PTPRT: variants seen among roughly 807,000 people sequenced by gnomAD.
The protein encoded by PTPRT is protein tyrosine phosphatase receptor type T.
In PTPRT, 56 loss-of-function variants were observed where a neutral mutation model predicts 176.8. The observed-to-expected ratio is 0.32, with a 90% CI of 0.26 to 0.40. The LOEUF (loss-of-function observed/expected upper bound fraction) is 0.40, where lower values mean the gene tolerates loss of function less well. PTPRT is among the 10% of genes least tolerant of loss of function. The pLI, the probability that PTPRT is intolerant of heterozygous loss-of-function variation, is 1.00. For missense variants in PTPRT, 1,540 were observed against 1,908.2 expected, an observed-to-expected ratio of 0.81 and a Z score of 3.60; for synonymous variants, 783 against 739.0, an observed-to-expected ratio of 1.06 and a Z score of -0.96.
chr20:42,678,595 C>T (rs6030406), intron 6 of PTPRT, among the ~76,000 whole-genome samples: 64,037 of 152,100 alleles, frequency 0.42, 14,101 homozygotes, highest in African/African-American at 0.54. Context: ...TGAGCCAACA[C>T]GCCTGGCCTG....
In PTPRT at chr20:42,077,964, C is replaced by T. The variant is rs1269291733; in HGVS notation, c.*2915G>A. On this transcript the variant is annotated 3_prime_UTR_variant, in exon 31 of 31. Transcript: ENST00000373187. ...CTTAGGATTTGTGTTAAATAGCTCTCCCTCCACCCTCATCCTGTCTGGATG... is the reference window on the plus strand; with the variant it reads ...CTTAGGATTTGTGTTAAATAGCTCTTCCTCCACCCTCATCCTGTCTGGATG... The T allele has an allele frequency of 5.1e-6, 1 of 196,618 alleles. No individual in the cohort carries two copies. The highest frequency in any genetic ancestry group is 1.1e-5 in the Non-Finnish European group (1 of 94,732). 12.2% of individuals were successfully genotyped at this position (196,618 alleles called of 1,614,324 possible). A position where few individuals can be genotyped will look rare whatever the true frequency, so the allele number is the denominator to read the frequency against.
At chr20:43,165,690 G>C (rs1261668939) in intron 1 of PTPRT, among the ~76,000 whole-genome samples, 1 of 152,236 alleles carries the variant, frequency 6.6e-6, no homozygotes, top group Non-Finnish European at 1.5e-5. Flanking sequence ...AGAAGCAACA[G>C]TTTCGGCTTG....
intron 7 of PTPRT, among the ~76,000 whole-genome samples, chr20:42,517,881 A>G (rs892123007): frequency 2.6e-5 from 4 of 152,012 alleles, no homozygotes; most frequent in African/African-American, 9.6e-5. Flanking sequence ...ATTCCTAACA[A>G]ATGGTCAATT....
intron 9 of PTPRT, among the ~76,000 whole-genome samples, chr20:42,382,954 T>TTGCA (rs1568831133): frequency 2.0e-5 from 3 of 152,152 alleles, no homozygotes; most frequent in Admixed American, 6.5e-5. Context: ...GGAATTTAGG[T>TTGCA]GTCTGAGCTC....
chr20:42,754,624 G>T (rs1220425238), intron 6 of PTPRT, among the ~76,000 whole-genome samples: 1 of 152,228 alleles, frequency 6.6e-6, no homozygotes, highest in Non-Finnish European at 1.5e-5. Flanking sequence ...AAAGATAGGA[G>T]CTTAATGCCA....
intron 9 of PTPRT, among the ~76,000 whole-genome samples, chr20:42,382,304 A>T (rs1009911083): frequency 2.0e-5 from 3 of 152,122 alleles, no homozygotes; most frequent in Non-Finnish European, 4.4e-5. Flanking sequence ...GAGAGGATGG[A>T]GTTCGGGGAT....
chr20:42,215,981 A>G (rs912176608), intron 15 of PTPRT, among the ~76,000 whole-genome samples: 2 of 152,174 alleles, frequency 1.3e-5, no homozygotes, highest in African/African-American at 4.8e-5. Flanking sequence ...ATCCCAACAA[A>G]GCCTGTATGT....
At chr20:42,420,575 G>A (rs1483551485) in intron 9 of PTPRT, among the ~76,000 whole-genome samples, 3 of 152,100 alleles carry the variant, frequency 2.0e-5, no homozygotes, top group Middle Eastern at 6.8e-3. Context: ...TCCTCATTAC[G>A]CTGGTCTCAC....
chr20:42,723,602 A>G (rs2076335307), intron 6 of PTPRT, among the ~76,000 whole-genome samples: 1 of 152,140 alleles, frequency 6.6e-6, no homozygotes, highest in African/African-American at 2.4e-5. Context: ...GGGCCTGCAT[A>G]ATACCCCTCT....
intron 1 of PTPRT, among the ~76,000 whole-genome samples, chr20:43,136,435 T>G (rs147993222): frequency 6.6e-6 from 1 of 152,366 alleles, no homozygotes; most frequent in African/African-American, 2.4e-5. Flanking sequence ...CTTTCTTGAT[T>G]TCTGGCCTTC....
chr20:42,875,914 T>A (rs138897702), intron 2 of PTPRT, among the ~76,000 whole-genome samples: 109 of 152,322 alleles, frequency 7.2e-4, no homozygotes, highest in African/African-American at 2.6e-3. Flanking sequence ...CAGAGGACTG[T>A]TGCAAAGATT....
At chr20:42,571,924 C>T (rs903302439) in intron 7 of PTPRT, among the ~76,000 whole-genome samples, 1 of 152,208 alleles carries the variant, frequency 6.6e-6, no homozygotes, top group Non-Finnish European at 1.5e-5. Context: ...CCAGGAGAAT[C>T]TCATTAACAC....
At chr20:42,774,662 G>A (rs532126255) in intron 4 of PTPRT, among the ~76,000 whole-genome samples, 9 of 152,256 alleles carry the variant, frequency 5.9e-5, no homozygotes, top group East Asian at 3.9e-4. Context: ...AGTCTCACCC[G>A]ATCCAGCCCC....
At chr20:42,740,386 G>A (rs1017719433) in intron 6 of PTPRT, among the ~76,000 whole-genome samples, 2 of 152,158 alleles carry the variant, frequency 1.3e-5, no homozygotes, top group Non-Finnish European at 2.9e-5. Context: ...TTAGAGTTGG[G>A]TGGCTGCCAC....
At chr20:42,840,980 C>G (rs2078268146) in intron 2 of PTPRT, among the ~76,000 whole-genome samples, 1 of 152,176 alleles carries the variant, frequency 6.6e-6, no homozygotes. Context: ...CCTTGGCTCA[C>G]TTGGCCTTTG....
At chr20:42,513,640 C>T (rs561006009) in intron 7 of PTPRT, among the ~76,000 whole-genome samples, 10 of 152,172 alleles carry the variant, frequency 6.6e-5, no homozygotes, top group South Asian at 4.1e-4. Flanking sequence ...AATATATATG[C>T]TACACATAAA....
At chr20:42,239,106 C>A (rs577068345) in intron 14 of PTPRT, among the ~76,000 whole-genome samples, 10 of 152,238 alleles carry the variant, frequency 6.6e-5, no homozygotes, top group African/African-American at 2.2e-4. Context: ...TATGTCTGCA[C>A]CTCATCCACA....
chr20:42,671,051 A>C (rs3092544), intron 7 of PTPRT, among the ~76,000 whole-genome samples: 2,632 of 152,228 alleles, frequency 0.017, 83 homozygotes, highest in African/African-American at 0.061. Flanking sequence ...CAAGCCATTG[A>C]AAGTGGTACC....
intron 1 of PTPRT, among the ~76,000 whole-genome samples, chr20:42,904,648 T>G (rs1429464122): frequency 6.6e-6 from 1 of 152,008 alleles, no homozygotes; most frequent in Non-Finnish European, 1.5e-5. Flanking sequence ...TGGACCTAGG[T>G]GAGGACAGGC....
Sources: allele counts gnomAD v4.1 joint callset (sites outside exome capture counted in the v4.1 genomes callset), GRCh38; gene constraint gnomAD v4.1.1; transcripts MANE v1.5; gene names NCBI Gene and HGNC (gene_info 2026-07-23, HGNC 2026-07-21).